The following CABIN1 variants were observed in gnomAD, a reference collection of about 807,000 sequenced individuals.
The protein encoded by CABIN1 is calcineurin binding protein 1, also known as calcineurin-binding protein cabin-1.
In CABIN1, 133 loss-of-function variants were observed where a neutral mutation model predicts 227.7. The ratio of observed to expected loss-of-function variants is 0.58; its 90% confidence interval spans 0.51 to 0.67. The LOEUF is 0.67. Among genes scored for constraint, CABIN1 ranks in the 30% least tolerant of loss-of-function variants. CABIN1 has a pLI of 0.00. For missense variants in CABIN1, 2,408 were observed against 2,852.5 expected, an observed-to-expected ratio of 0.84 and a Z score of 3.55; for synonymous variants, 1,086 against 1,155.1, an observed-to-expected ratio of 0.94 and a Z score of 1.21.
Position 24,087,582 on chromosome 22 carries a change from G to A in CABIN1, c.3394G>A (p.Ala1132Thr). 1.2e-6 allele frequency: 2 copies of A among 1,614,192 alleles called. No individual in the cohort carries two copies. Among genetic ancestry groups the A allele is most frequent in the Non-Finnish European group, 1.7e-6 (2 of 1,180,034 alleles). ...ATPVLNCFRR[A>T]LEIDSSNLSL... ...GCCCGTCTTGAACTGCTTCCGTCGG[G>A]CCCTGGAGATTGACAGCTCCAACTT... The change falls in exon 23 of 37, where the codon GCC (alanine) becomes ACC (threonine). Residue 1132 changes from alanine (A) to threonine (T), a missense_variant. Coordinates refer to ENST00000263119, the MANE Select transcript of CABIN1 (RefSeq NM_012295.4).
Position 24,103,354 on chromosome 22 carries a change from C to T in CABIN1, c.4117+5162C>T, listed in dbSNP as rs1357587401. ...TAAAATAAACAACAAAGGCAACAGA[C>T]TCTAACATACCAAATTATCTTTACA... On this transcript the variant is annotated intron_variant, in intron 26 of 36. Coordinates refer to ENST00000263119, the MANE Select transcript of CABIN1 (RefSeq NM_012295.4). 2.0e-5 allele frequency: 3 copies of T among 152,340 alleles called. No individual in the cohort carries two copies. The East Asian group carries it at 5.8e-4, about 29-fold the overall frequency. 9.4% of individuals were successfully genotyped at this position (152,340 alleles called of 1,614,324 possible). A position where few individuals can be genotyped will look rare whatever the true frequency, so the allele number is the denominator to read the frequency against.
chr22:24,165,515 C>T lies in CABIN1; in HGVS notation c.4911-15C>T. On this transcript the variant is annotated splice_polypyrimidine_tract_variant and intron_variant, in intron 30 of 36. Transcript: ENST00000263119. ...TGCCCTCCTGTCCTCTCTGACTACC[C>T]CTGTATGACCGCAGGAAGTATCTGC... is the stretch of plus-strand genomic sequence containing the variant. The T allele has an allele frequency of 1.2e-6, 2 of 1,609,570 alleles. No individual in the cohort carries two copies. The highest frequency in any genetic ancestry group is 8.5e-7 in the Non-Finnish European group (1 of 1,178,148).
At chr22:24,072,863 T>G (rs1569168902) in intron 18 of CABIN1, among the ~76,000 whole-genome samples, 2 of 152,154 alleles carry the variant, frequency 1.3e-5, no homozygotes, top group Non-Finnish European at 2.9e-5. Flanking sequence ...GAAGGGATGG[T>G]AAGCCGAGGG....
intron 26 of CABIN1, among the ~76,000 whole-genome samples, chr22:24,107,523 C>T (rs1432013577): frequency 6.6e-6 from 1 of 152,170 alleles, no homozygotes; most frequent in African/African-American, 2.4e-5. Flanking sequence ...TCAGCAGAGT[C>T]CCCACTCAAT....
rs570251283 is a variant in CABIN1, at chr22:24,097,947, C to T, written c.3939-67C>T. 5.6e-6 allele frequency: 9 copies of T among 1,596,290 alleles called. No individual in the cohort carries two copies. The East Asian group carries it at 1.6e-4, about 28-fold the overall frequency. On this transcript the variant is annotated intron_variant, in intron 25 of 36. Transcript: ENST00000263119. ...GCCCTGGGAAGGGCATTCACCCTTA[C>T]CAGTACACATCTGTTTCAATGTGAG...
At position 24,076,160 on chromosome 22, in the gene CABIN1, T is replaced by C; in HGVS notation, c.2633-9T>C. 6.2e-7 allele frequency: 1 copy of C among 1,611,506 alleles called. No individual in the cohort carries two copies. Among genetic ancestry groups the C allele is most frequent in the South Asian group, 1.1e-5 (1 of 90,994 alleles). ...TAACTCTGTGTCTGTCGGCCTGGGC[T>C]TTCCCTAGGGATGTCAGAGACGCCC... On this transcript the variant is annotated splice_polypyrimidine_tract_variant and intron_variant, in intron 18 of 36. Transcript: ENST00000263119.
At position 24,091,681 on chromosome 22, in the gene CABIN1, C is replaced by A. The variant is rs1289289696; in HGVS notation, c.3624C>A (p.Ile1208=). 6.2e-7 allele frequency: 1 copy of A among 1,614,090 alleles called. No individual in the cohort carries two copies. Among genetic ancestry groups the A allele is most frequent in the East Asian group, 2.2e-5 (1 of 44,894 alleles). ...ATGGTGACGAGGAGGAGTGGCTCATCCACTACATGCTGGGCAAGGTGGCTG... is the reference window on the plus strand; with the variant it reads ...ATGGTGACGAGGAGGAGTGGCTCATACACTACATGCTGGGCAAGGTGGCTG... ...EGDGDEEEWL[I]HYMLGKVAEK... Residue 1208 remains isoleucine, a synonymous_variant, in exon 24 of 37, where the codon ATC becomes ATA. Transcript: ENST00000263119.
At position 24,119,683 on chromosome 22, in the gene CABIN1, C is replaced by G. The variant is rs1186077782; in HGVS notation, c.4617C>G (p.Tyr1539Ter). ...SLYRLAFLYT[Y>*]SKTHRNLQWA... ...ACCGTCTGGCCTTCCTCTACACCTA[C>G]AGCAAGACCCACCGGGTGAGTGGCT... Residue 1539 changes from tyrosine (Y) to a stop codon, truncating the protein, a stop_gained, in exon 28 of 37, where the codon TAC (tyrosine) becomes TAG (stop). Transcript: ENST00000263119. LOFTEE classifies it high-confidence loss of function. The G allele has an allele frequency of 6.2e-7, 1 of 1,613,984 alleles. No homozygotes were observed. The highest frequency in any genetic ancestry group is 8.5e-7 in the Non-Finnish European group (1 of 1,180,016).
At position 24,050,899 on chromosome 22, in the gene CABIN1, G is replaced by C; in HGVS notation, c.731G>C (p.Arg244Pro). Residue 244 changes from arginine to proline, a missense_variant, in exon 8 of 37, where the codon CGA becomes CCA. Coordinates refer to ENST00000263119, the MANE Select transcript of CABIN1 (RefSeq NM_012295.4). ...QAIVDEALGLRKKRQALIVRE... is the reference protein window; with the variant it reads ...QAIVDEALGLPKKRQALIVRE... Reference sequence around the variant, plus strand: ...ATTGTAGATGAGGCCTTGGGGCTGCGAAAAAAGAGGCAAGCGCTGATTGTG... The same window carrying C: ...ATTGTAGATGAGGCCTTGGGGCTGCCAAAAAAGAGGCAAGCGCTGATTGTG... 1 of 1,614,182 alleles carries C rather than the reference G, an allele frequency of 6.2e-7. No individual in the cohort carries two copies. Among genetic ancestry groups the C allele is most frequent in the Non-Finnish European group, 8.5e-7 (1 of 1,180,022 alleles).
intron 29 of CABIN1, among the ~76,000 whole-genome samples, chr22:24,144,803 T>G (rs1017922733): frequency 9.2e-5 from 14 of 152,230 alleles, no homozygotes; most frequent in African/African-American, 3.4e-4. Context: ...CGTGTTGCTG[T>G]GCTCAATGTG....
rs891590754 is a variant in CABIN1, at chr22:24,069,765, GT to G, written c.2233-1031del. Among the ~76,000 whole-genome samples, 5 of 152,256 alleles carry G rather than the reference GT, an allele frequency of 3.3e-5. No homozygotes were observed. The East Asian group carries it at 7.7e-4, about 23-fold the overall frequency. ...AATTAGGATTTATAAATTGGGGGGG[GT>G]TTTGATCTGTGTTCAGATACCACAC... On this transcript the variant is annotated intron_variant, in intron 16 of 36. Coordinates refer to ENST00000263119, the MANE Select transcript of CABIN1 (RefSeq NM_012295.4).
chr22:24,094,742 G>A (rs192829518), intron 24 of CABIN1, among the ~76,000 whole-genome samples: 6,821 of 149,740 alleles, frequency 0.046, 351 homozygotes, highest in African/African-American at 0.12. Flanking sequence ...GCGTGAACCC[G>A]GGAAGCGGAG....
At chr22:24,121,519 C>T (rs1372017508) in intron 28 of CABIN1, among the ~76,000 whole-genome samples, 1 of 152,240 alleles carries the variant, frequency 6.6e-6, no homozygotes, top group Non-Finnish European at 1.5e-5. Context: ...GCTCACTGCT[C>T]AGCCTCCACT....
At chr22:24,137,034 G>A (rs1199923113) in intron 29 of CABIN1, among the ~76,000 whole-genome samples, 2 of 152,130 alleles carry the variant, frequency 1.3e-5, no homozygotes, top group African/African-American at 4.8e-5. Context: ...CTTGAAAGTG[G>A]GCTTCTATTA....
intron 29 of CABIN1, among the ~76,000 whole-genome samples, chr22:24,137,115 C>T (rs1461192716): frequency 2.0e-5 from 3 of 152,164 alleles, no homozygotes; most frequent in Admixed American, 6.5e-5. Flanking sequence ...GGATCTGGCA[C>T]ATGGCAGGTA....
Position 24,014,431 on chromosome 22 carries a change from T to C in CABIN1, c.-75+3064T>C, listed in dbSNP as rs1043642335. ...ATCAACTGGCCCTCATTTTTTTTTT[T>C]TTCCTTCAAGCACTTACTTTATGGC... On this transcript the variant is annotated intron_variant, in intron 1 of 36. Coordinates refer to ENST00000263119, the MANE Select transcript of CABIN1 (RefSeq NM_012295.4). Among the ~76,000 whole-genome samples, 11 of 152,122 alleles carry C rather than the reference T, an allele frequency of 7.2e-5. 1 individual carries two copies. The East Asian group carries it at 2.1e-3, about 29-fold the overall frequency.
At chr22:24,117,199 G>A (rs761647981) in intron 27 of CABIN1, among the ~76,000 whole-genome samples, 3 of 151,908 alleles carry the variant, frequency 2.0e-5, no homozygotes, top group Non-Finnish European at 4.4e-5. Context: ...GCAACTGATT[G>A]TTGTTGTTGT....
Position 24,011,373 on chromosome 22 carries a change from T to G in CABIN1, c.-75+6T>G, listed in dbSNP as rs932658112. ...CGTTGCTGTGGAGACGCCTGGTGAG[T>G]TCCTGGAAGGCTGGTTTGAAGGCGG... is the stretch of plus-strand genomic sequence containing the variant. On this transcript the variant is annotated splice_donor_region_variant and intron_variant, in intron 1 of 36. Coordinates refer to ENST00000263119, the MANE Select transcript of CABIN1 (RefSeq NM_012295.4). 3 of 152,904 alleles carry G rather than the reference T, an allele frequency of 2.0e-5. No homozygotes were observed. Among genetic ancestry groups the G allele is most frequent in the African/African-American group, 4.8e-5 (2 of 41,422 alleles). 9.5% of individuals were successfully genotyped at this position (152,904 alleles called of 1,614,324 possible).
chr22:24,133,735 G>A (rs777438032), intron 28 of CABIN1, among the ~76,000 whole-genome samples: 1 of 152,220 alleles, frequency 6.6e-6, no homozygotes, highest in Non-Finnish European at 1.5e-5. Context: ...CTATGGGCCA[G>A]TGAGAAGGCC....
Sources: gnomAD v4.1 joint callset for allele counts (sites outside exome capture counted in the v4.1 genomes callset) on GRCh38, gnomAD v4.1.1 for gene constraint, MANE v1.5 for transcripts, NCBI Gene and HGNC (gene_info 2026-07-23, HGNC 2026-07-21) for gene names.